TFDP1: variants seen among roughly 807,000 people sequenced by gnomAD.
The protein encoded by TFDP1 is transcription factor Dp-1.
TFDP1 carries 6 observed loss-of-function variants against 48.0 expected under a neutral mutation model. That is an observed-to-expected ratio of 0.13 (90% CI 0.07 to 0.25). The LOEUF (loss-of-function observed/expected upper bound fraction) is 0.25, where lower values mean the gene tolerates loss of function less well. TFDP1 is among the 10% of genes least tolerant of loss of function. The pLI is 1.00. For missense variants in TFDP1, 335 were observed against 543.0 expected, an observed-to-expected ratio of 0.62 and a Z score of 3.81; for synonymous variants, 201 against 211.6, an observed-to-expected ratio of 0.95 and a Z score of 0.44.
intron 3 of TFDP1, among the ~76,000 whole-genome samples, chr13:113,612,031 C>CT (rs1357634110): frequency 7.9e-5 from 12 of 152,144 alleles, no homozygotes; most frequent in East Asian, 3.9e-4. Context: ...ATAAAATTAG[C>CT]TTTTTTTACT....
chr13:113,619,855 C>G (rs1449472484), intron 3 of TFDP1, among the ~76,000 whole-genome samples: 1 of 152,142 alleles, frequency 6.6e-6, no homozygotes, highest in African/African-American at 2.4e-5. Flanking sequence ...GGGAGGGGCC[C>G]TCTGTGCTTG....
chr13:113,586,782 C>T (rs2048015823), intron 2 of TFDP1, among the ~76,000 whole-genome samples: 2 of 152,224 alleles, frequency 1.3e-5, no homozygotes, highest in African/African-American at 2.4e-5. Context: ...CACACGGCAT[C>T]CCTGCCTTCA....
In TFDP1 at chr13:113,634,514, TG is replaced by T. The variant is rs1322419837; in HGVS notation, c.619-17del. The T allele has an allele frequency of 6.2e-7, 1 of 1,607,868 alleles. No homozygotes were observed. Among genetic ancestry groups the T allele is most frequent in the Non-Finnish European group, 8.5e-7 (1 of 1,176,348 alleles). ...GGAACAGTTGTGATGATTCTTCACATGGGTGGTTTGTTTTTGAAGGTGGAAA... is the reference window on the plus strand; with the variant it reads ...GGAACAGTTGTGATGATTCTTCACATGGTGGTTTGTTTTTGAAGGTGGAAA... On this transcript the variant is annotated intron_variant, in intron 7 of 11. Coordinates refer to ENST00000375370, the MANE Select transcript of TFDP1 (RefSeq NM_007111.5).
At chr13:113,630,229 G>A (rs1270684919) in intron 4 of TFDP1, among the ~76,000 whole-genome samples, 1 of 152,068 alleles carries the variant, frequency 6.6e-6, no homozygotes, top group African/African-American at 2.4e-5. Flanking sequence ...CCACGCCCAG[G>A]AGATTTATCT....
chr13:113,600,901 TGAGA>T (rs747092634), intron 2 of TFDP1, among the ~76,000 whole-genome samples: 1 of 150,934 alleles, frequency 6.6e-6, no homozygotes, highest in Non-Finnish European at 1.5e-5. Context: ...CCCAGAACCG[TGAGA>T]GAGAATCCTC....
chr13:113,590,889 A>G (rs909377828), intron 2 of TFDP1, among the ~76,000 whole-genome samples: 1 of 151,554 alleles, frequency 6.6e-6, no homozygotes, highest in Non-Finnish European at 1.5e-5. Context: ...GGGCGCCTGT[A>G]GTCCCAGCTA....
In TFDP1 at chr13:113,596,718, G is replaced by T. The variant is rs369800640; in HGVS notation, c.12+10869G>T. Among the ~76,000 whole-genome samples, 41 of 152,296 alleles carry T rather than the reference G, an allele frequency of 2.7e-4. No homozygotes were observed. In the East Asian group the frequency reaches 7.7e-3, roughly 29 times the overall value. ...ATGGAAAAGCAGTTCCCATTGGAGT[G>T]GCCAGACCAAATCCTATTCTGGGGT... On this transcript the variant is annotated intron_variant, in intron 2 of 11. Transcript: ENST00000375370.
chr13:113,596,686 C>T (rs900203372), intron 2 of TFDP1, among the ~76,000 whole-genome samples: 10 of 152,186 alleles, frequency 6.6e-5, no homozygotes, highest in African/African-American at 2.2e-4. Context: ...TCTTTTTTCT[C>T]TAACAAATGG....
chr13:113,593,847 C>T (rs1296014377), intron 2 of TFDP1, among the ~76,000 whole-genome samples: 2 of 144,418 alleles, frequency 1.4e-5, no homozygotes, highest in East Asian at 2.2e-4. Flanking sequence ...CTCAGCCCTG[C>T]CCAGGTGACA....
rs2048332820 is a variant in TFDP1 at position 113,598,278 on chromosome 13, T to C, written c.12+12429T>C. The stretch of plus-strand genomic sequence containing the variant: ...ACCTTTTTAACGGCTGTGGAACTGA[T>C]GTATGGGTTTTCCAGGCAGTTTTGC... On this transcript the variant is annotated intron_variant, in intron 2 of 11. Coordinates refer to ENST00000375370, the MANE Select transcript of TFDP1 (RefSeq NM_007111.5). This position sits in a 1 kb window ranked among gnomAD's most constrained non-coding sequence, Gnocchi z 4.2. Among the ~76,000 whole-genome samples, 4 of 152,172 alleles carry C rather than the reference T, an allele frequency of 2.6e-5. No individual in the cohort carries two copies. The South Asian group carries it at 8.3e-4, about 31-fold the overall frequency.
At chr13:113,594,806 T>TA (rs991052841) in intron 2 of TFDP1, among the ~76,000 whole-genome samples, 119 of 152,338 alleles carry the variant, frequency 7.8e-4, no homozygotes, top group Non-Finnish European at 1.4e-3. Context: ...TATGACTTAC[T>TA]AAAAAAAGTT....
At chr13:113,608,320 TAGAC>T (rs2048620482) in intron 2 of TFDP1, among the ~76,000 whole-genome samples, 1 of 152,236 alleles carries the variant, frequency 6.6e-6, no homozygotes, top group Admixed American at 6.5e-5. Context: ...GGGAGGGCGA[TAGAC>T]AGGGACAGCG....
At chr13:113,604,415 T>C (rs1188709683) in intron 2 of TFDP1, among the ~76,000 whole-genome samples, 1 of 152,164 alleles carries the variant, frequency 6.6e-6, no homozygotes, top group East Asian at 1.9e-4. Flanking sequence ...AAAGTGTCAG[T>C]AGAGACCCAG....
In TFDP1 at chr13:113,636,647, A is replaced by G; in HGVS notation, c.953A>G (p.Asp318Gly). 1.2e-6 allele frequency: 2 copies of G among 1,612,268 alleles called. No individual in the cohort carries two copies. Among genetic ancestry groups the G allele is most frequent in the South Asian group, 1.1e-5 (1 of 91,080 alleles). The stretch of plus-strand genomic sequence containing the variant: ...GAGTCGGGGAGCTGCTCTGCCGAAG[A>G]CCTTAAAATGGCCAGAAGTCTGGTC... ...GLESGSCSAE[D>G]LKMARSLVPK... Residue 318 changes from aspartate to glycine, a missense_variant, in exon 10 of 12, where the codon GAC becomes GGC. This residue lies in a region of TFDP1 where 204 missense variants were observed against 287.1 expected (regional missense o/e 0.71). Coordinates refer to ENST00000375370, the MANE Select transcript of TFDP1 (RefSeq NM_007111.5).
At chr13:113,585,166 G>A (rs2140239540) in intron 1 of TFDP1, 1 of 147,958 alleles carries the variant, frequency 6.8e-6, no homozygotes, top group Admixed American at 6.7e-5. Flanking sequence ...CCGGGGCCGG[G>A]GCCGGGGCTG....
At position 113,627,385 on chromosome 13, in the gene TFDP1, G is replaced by A. The variant is rs1490842726; in HGVS notation, c.186+4099G>A. ...AGCGGCCTGTGTGAGCCCCTGGGGA[G>A]AAGCAGCCCCCCACCCAGGCCTGTG... On this transcript the variant is annotated intron_variant, in intron 4 of 11. Transcript: ENST00000375370. The surrounding 1 kb of genome is among the most constrained non-coding windows in gnomAD (Gnocchi z 4.1). Among the ~76,000 whole-genome samples the A allele has an allele frequency of 6.6e-6, 1 of 152,178 alleles. No individual in the cohort carries two copies. Among genetic ancestry groups the A allele is most frequent in the African/African-American group, 2.4e-5 (1 of 41,440 alleles).
At chr13:113,630,844 C>A (rs551725866) in intron 4 of TFDP1, among the ~76,000 whole-genome samples, 2 of 147,372 alleles carry the variant, frequency 1.4e-5, no homozygotes, top group African/African-American at 5.4e-5. Context: ...GTTGTTGACA[C>A]CCTCAGGTGT....
At chr13:113,584,998 C>T (rs1423803437) in intron 1 of TFDP1, 110 bp downstream of exon 1, 1 of 146,604 alleles carries the variant, frequency 6.8e-6, no homozygotes, top group East Asian at 2.0e-4. Flanking sequence ...CGCCGCGCGG[C>T]CCCGACCCGC....
rs542162886 is a variant in TFDP1, at chr13:113,598,896, C to A, written c.13-12100C>A. 7.9e-5 allele frequency among the ~76,000 whole-genome samples: 12 copies of A among 152,162 alleles called. No individual in the cohort carries two copies. Among genetic ancestry groups the A allele is most frequent in the Admixed American group, 2.6e-4 (4 of 15,276 alleles). On this transcript the variant is annotated intron_variant, in intron 2 of 11. Transcript: ENST00000375370. The surrounding 1 kb of genome is among the most constrained non-coding windows in gnomAD (Gnocchi z 4.2). ...GGATCTTGTTAGGTGTGTGGCTTTT[C>A]CCTTAGTTTAGAAAATGAAATCGCC...
Sources: gnomAD v4.1 joint callset for allele counts (sites outside exome capture counted in the v4.1 genomes callset) on GRCh38, gnomAD v4.1.1 for gene constraint, gnomAD v4.1.1 regional missense constraint, Gnocchi (gnomAD v3.1) non-coding constraint, MANE v1.5 for transcripts, NCBI Gene and HGNC (gene_info 2026-07-23, HGNC 2026-07-21) for gene names.